DMXL2: variants seen among roughly 807,000 people sequenced by gnomAD.
DMXL2 encodes dmX-like protein 2.
DMXL2 carries 103 observed loss-of-function variants against 331.1 expected under a neutral mutation model. The ratio of observed to expected loss-of-function variants is 0.31; its 90% confidence interval spans 0.27 to 0.37. The LOEUF is 0.37. Ranked by LOEUF, DMXL2 falls within the 10% of genes least tolerant of loss-of-function variation. DMXL2 has a pLI of 1.00. For synonymous variants in DMXL2, 1,281 were observed against 1,252.1 expected (o/e 1.02, Z -0.49); for missense variants, 3,171 against 3,642.9 (o/e 0.87, Z 3.33).
intron 1 of DMXL2, among the ~76,000 whole-genome samples, chr15:51,588,812 T>C (rs1185777384): frequency 6.6e-6 from 1 of 152,158 alleles, no homozygotes; most frequent in Non-Finnish European, 1.5e-5. Context: ...ACTGTAACAA[T>C]GGGTATATCA....
At chr15:51,556,873 T>C (rs909467626) in intron 6 of DMXL2, among the ~76,000 whole-genome samples, 1 of 151,940 alleles carries the variant, frequency 6.6e-6, no homozygotes, top group Non-Finnish European at 1.5e-5. Flanking sequence ...AAACAACAAA[T>C]AGAAGGAAAG....
chr15:51,565,043 A>G, intron 4 of DMXL2, 45 bp downstream of exon 4: 1 of 1,119,458 alleles, frequency 8.9e-7, no homozygotes, highest in Non-Finnish European at 1.2e-6. Context: ...ATACATTTAA[A>G]ACAAATATTT....
chr15:51,612,345 C>T (rs2141408777), intron 1 of DMXL2, among the ~76,000 whole-genome samples: 1 of 152,274 alleles, frequency 6.6e-6, no homozygotes, highest in Admixed American at 6.5e-5. Flanking sequence ...CACATTAGTA[C>T]ATGATCCCCA....
intron 1 of DMXL2, among the ~76,000 whole-genome samples, chr15:51,583,127 T>C (rs541577882): frequency 1.5e-5 from 2 of 137,340 alleles, no homozygotes; most frequent in East Asian, 4.1e-4. Flanking sequence ...TTTTCTTTTT[T>C]TTTTTTTTTT....
At chr15:51,563,659 G>GT (rs2050102262) in intron 5 of DMXL2, among the ~76,000 whole-genome samples, 1 of 152,098 alleles carries the variant, frequency 6.6e-6, no homozygotes, top group South Asian at 2.1e-4. Context: ...AAAGAAGAAT[G>GT]TAAGTAACAT....
intron 18 of DMXL2, among the ~76,000 whole-genome samples, chr15:51,496,218 T>G (rs1445321837): frequency 6.6e-6 from 1 of 152,044 alleles, no homozygotes; most frequent in Non-Finnish European, 1.5e-5. Flanking sequence ...AATTCAGCAG[T>G]GAATAAGGCA....
intron 18 of DMXL2, among the ~76,000 whole-genome samples, chr15:51,495,565 C>T (rs1017011016): frequency 2.6e-5 from 4 of 152,112 alleles, no homozygotes; most frequent in Non-Finnish European, 5.9e-5. Flanking sequence ...GTATTTTCTA[C>T]TTTGGTTAAA....
chr15:51,509,090 C>G (rs1462808004), intron 15 of DMXL2, among the ~76,000 whole-genome samples: 1 of 151,758 alleles, frequency 6.6e-6, no homozygotes, highest in Admixed American at 6.6e-5. Flanking sequence ...ATGTTGAACC[C>G]AGATCTAATC....
chr15:51,611,505 T>C (rs1386552079), intron 1 of DMXL2, among the ~76,000 whole-genome samples: 1 of 152,240 alleles, frequency 6.6e-6, no homozygotes, highest in Non-Finnish European at 1.5e-5. Context: ...GGGTTATCTC[T>C]GGATTGTGCC....
chr15:51,478,867 T>C (rs146658280), intron 25 of DMXL2, among the ~76,000 whole-genome samples: 49 of 152,202 alleles, frequency 3.2e-4, no homozygotes, highest in African/African-American at 1.2e-3. Context: ...TACTCATGAA[T>C]TGAGGACAGT....
chr15:51,449,325 G>C (rs1049171190), intron 43 of DMXL2, 132 bp from the exon 44 acceptor site: 1 of 735,660 alleles, frequency 1.4e-6, no homozygotes. Flanking sequence ...TTTCCTAAGA[G>C]CTTATCTAAG....
intron 1 of DMXL2, among the ~76,000 whole-genome samples, chr15:51,611,369 A>C (rs2053959205): frequency 6.6e-6 from 1 of 152,176 alleles, no homozygotes; most frequent in African/African-American, 2.4e-5. Context: ...AAATAGAATA[A>C]ATTATTAGCA....
chr15:51,602,146 T>C (rs1447679903), intron 1 of DMXL2, among the ~76,000 whole-genome samples: 1 of 152,130 alleles, frequency 6.6e-6, no homozygotes, highest in Non-Finnish European at 1.5e-5. Flanking sequence ...AGAATGGAGT[T>C]TGAAGTTCAC....
chr15:51,570,016 A>G (rs1019574181), intron 2 of DMXL2, among the ~76,000 whole-genome samples: 1 of 152,182 alleles, frequency 6.6e-6, no homozygotes, highest in Non-Finnish European at 1.5e-5. Flanking sequence ...GCATGTTCTA[A>G]CCCAGTGCAA....
chr15:51,615,181 T>C (rs891607983), intron 1 of DMXL2, among the ~76,000 whole-genome samples: 3 of 152,346 alleles, frequency 2.0e-5, no homozygotes, highest in African/African-American at 7.2e-5. Flanking sequence ...TTGTGATAGC[T>C]ATTAGACCTT....
intron 14 of DMXL2, among the ~76,000 whole-genome samples, chr15:51,514,789 T>C (rs2046941253): frequency 6.9e-6 from 1 of 145,982 alleles, no homozygotes; most frequent in Admixed American, 6.9e-5. Context: ...ATAGAAGAGC[T>C]CTAGTACAAA....
intron 3 of DMXL2, chr15:51,568,235 G>A: frequency 5.8e-6 from 2 of 345,020 alleles, no homozygotes; most frequent in Non-Finnish European, 1.0e-5. Flanking sequence ...AATAACAGTA[G>A]TTCAAACTAG....
chr15:51,538,812 T>G lies in DMXL2; in HGVS notation c.1106-360A>C, dbSNP rs533713664. Among the ~76,000 whole-genome samples the G allele has an allele frequency of 2.0e-5, 3 of 152,356 alleles. No homozygotes were observed. The East Asian group carries it at 5.8e-4, about 29-fold the overall frequency. On this transcript the variant is annotated intron_variant, in intron 9 of 43. Coordinates refer to ENST00000560891, the MANE Select transcript of DMXL2 (RefSeq NM_001378457.1). ...GATATTATGGAATTACTTATCATTT[T>G]CTTAGGTATGATGATATTATGATTA...
At chr15:51,540,868 C>A (rs895437854) in intron 9 of DMXL2, among the ~76,000 whole-genome samples, 1 of 152,072 alleles carries the variant, frequency 6.6e-6, no homozygotes, top group African/African-American at 2.4e-5. Context: ...GGCCCAATGG[C>A]TACAAGAACA....
Sources: allele counts gnomAD v4.1 joint callset (sites outside exome capture counted in the v4.1 genomes callset), GRCh38; gene constraint gnomAD v4.1.1; transcripts MANE v1.5; gene names NCBI Gene and HGNC (gene_info 2026-07-23, HGNC 2026-07-21).